The following TCF4 variants were observed in gnomAD, a reference collection of about 807,000 sequenced individuals.
The protein encoded by TCF4 is transcription factor 4, also known as SL3-3 enhancer factor 2.
Under a neutral mutation model 82.1 loss-of-function variants are expected in TCF4, and 3 were observed. That is an observed-to-expected ratio of 0.04 (90% CI 0.02 to 0.09). The LOEUF (loss-of-function observed/expected upper bound fraction) is 0.09. Ranked by LOEUF, TCF4 falls within the 10% of genes least tolerant of loss-of-function variation. The pLI is 1.00. For missense variants in TCF4, 518 were observed against 852.7 expected (o/e 0.61, Z 4.89); for synonymous variants, 276 against 309.6 (o/e 0.89, Z 1.14).
intron 8 of TCF4, among the ~76,000 whole-genome samples, chr18:55,300,259 A>T (rs1044281848): frequency 6.6e-6 from 1 of 152,132 alleles, no homozygotes; most frequent in Non-Finnish European, 1.5e-5. Flanking sequence ...TTGTTTCTTA[A>T]CTGTGGTACA....
chr18:55,310,387 G>A (rs1180898058), intron 8 of TCF4, among the ~76,000 whole-genome samples: 1 of 152,176 alleles, frequency 6.6e-6, no homozygotes, highest in African/African-American at 2.4e-5. Flanking sequence ...TATATCATGG[G>A]GAGGAAATTG....
At chr18:55,287,627 T>C (rs2063997883) in intron 8 of TCF4, among the ~76,000 whole-genome samples, 1 of 152,138 alleles carries the variant, frequency 6.6e-6, no homozygotes, top group African/African-American at 2.4e-5. Context: ...CAGGCAGGGA[T>C]GGCCAGAACA....
At chr18:55,587,949 G>GCGCGGAGC in intron 1 of TCF4, 89 bp downstream of exon 1, 1 of 915,092 alleles carries the variant, frequency 1.1e-6, no homozygotes, top group Non-Finnish European at 1.3e-6. Flanking sequence ...GGCGCGGGAG[G>GCGCGGAGC]CGCGGAGCCG....
At position 55,445,014 on chromosome 18, in the gene TCF4, G is replaced by T. The variant is rs532197383; in HGVS notation, c.304+16005C>A. Reference sequence around the variant, plus strand: ...CTCCTCTTCATCTTCATTGTTCCCAGTTCAGCTCAATCTCATCATTTCCTC... The same window carrying T: ...CTCCTCTTCATCTTCATTGTTCCCATTTCAGCTCAATCTCATCATTTCCTC... On this transcript the variant is annotated intron_variant, in intron 5 of 19. Transcript: ENST00000354452. Among the ~76,000 whole-genome samples, 3 of 152,180 alleles carry T rather than the reference G, an allele frequency of 2.0e-5. No individual in the cohort carries two copies. In the East Asian group the frequency reaches 5.8e-4, roughly 29 times the overall value.
At chr18:55,427,387 T>C (rs934497470) in intron 5 of TCF4, among the ~76,000 whole-genome samples, 1 of 152,170 alleles carries the variant, frequency 6.6e-6, no homozygotes, top group Non-Finnish European at 1.5e-5. Context: ...CCTTGAGAAA[T>C]AGTTACTATT....
At chr18:55,350,543 A>C (rs2082119434) in intron 7 of TCF4, 135 bp from the exon 8 acceptor site, 2 of 911,078 alleles carry the variant, frequency 2.2e-6, no homozygotes, top group African/African-American at 1.7e-5. Context: ...TACCACGATC[A>C]CATTCGATTC....
At chr18:55,426,108 TATATATATATAC>T (rs1310678856) in intron 5 of TCF4, among the ~76,000 whole-genome samples, 1 of 129,690 alleles carries the variant, frequency 7.7e-6, no homozygotes, top group African/African-American at 2.8e-5. Flanking sequence ...TTTATATATA[TATATATATATAC>T]ACACACACAC....
At chr18:55,456,418 G>GTTTC (rs1378696735) in intron 5 of TCF4, among the ~76,000 whole-genome samples, 1 of 152,202 alleles carries the variant, frequency 6.6e-6, no homozygotes, top group Non-Finnish European at 1.5e-5. Flanking sequence ...AATGGGCCAT[G>GTTTC]TGAAAGCATA....
At chr18:55,385,030 C>T (rs2092460014) in intron 6 of TCF4, among the ~76,000 whole-genome samples, 1 of 152,102 alleles carries the variant, frequency 6.6e-6, no homozygotes, top group Non-Finnish European at 1.5e-5. Flanking sequence ...TTTCTCCCTC[C>T]CCCTTACCCC....
chr18:55,239,309 C>G (rs1378104225), intron 15 of TCF4, among the ~76,000 whole-genome samples: 1 of 152,170 alleles, frequency 6.6e-6, no homozygotes, highest in African/African-American at 2.4e-5. Flanking sequence ...TTAGGTCAAA[C>G]TCTTCATTTT....
rs762952107 is a variant in TCF4 at position 55,279,596 on chromosome 18, A to T, written c.610T>A (p.Ser204Thr). The T allele has an allele frequency of 6.2e-7, 1 of 1,613,960 alleles. No individual in the cohort carries two copies. Among genetic ancestry groups the T allele is most frequent in the East Asian group, 2.2e-5 (1 of 44,854 alleles). ...YNRDSPGYPSSKPATSTFPSS... is the reference protein window; with the variant it reads ...YNRDSPGYPSTKPATSTFPSS... ...GGGAAAGTGCTGGTTGCTGGTTTGG[A>T]GGAAGGATAGCCTGGCGAGTCCCTA... Residue 204 changes from serine to threonine, a missense_variant, in exon 9 of 20, where the codon TCC (serine) becomes ACC (threonine). Physicochemically the swap from Ser to Thr is moderately conservative, Grantham distance 58. Around this residue, in one of 7 missense-constraint regions of TCF4, gnomAD observed 211 missense variants for 327.4 expected, o/e 0.64. Coordinates refer to ENST00000354452, the MANE Select transcript of TCF4 (RefSeq NM_001083962.2).
chr18:55,242,760 C>G (rs527347453), intron 15 of TCF4, among the ~76,000 whole-genome samples: 1 of 152,090 alleles, frequency 6.6e-6, no homozygotes, highest in Admixed American at 6.5e-5. Context: ...CAGGCGTGCA[C>G]CTTTACGCCC....
chr18:55,229,145 T>C (rs573573382), intron 17 of TCF4, 69 bp from the exon 18 acceptor site: 11 of 1,566,550 alleles, frequency 7.0e-6, no homozygotes, highest in Non-Finnish European at 9.6e-6. Context: ...CATTACTTTG[T>C]TTTCTTCCAG....
chr18:55,265,351 C>G (rs890871495), intron 11 of TCF4: 1 of 152,266 alleles, frequency 6.6e-6, no homozygotes, highest in Non-Finnish European at 1.5e-5. Context: ...ATGTGCTTAT[C>G]TATAAAGATG....
At chr18:55,248,004 A>G (rs2053828683) in intron 15 of TCF4, among the ~76,000 whole-genome samples, 1 of 152,226 alleles carries the variant, frequency 6.6e-6, no homozygotes, top group Non-Finnish European at 1.5e-5. Context: ...ACTGCTTGGC[A>G]GGAAATCTGT....
chr18:55,481,653 A>G (rs1220063694), intron 3 of TCF4, among the ~76,000 whole-genome samples: 2 of 152,032 alleles, frequency 1.3e-5, no homozygotes, highest in Non-Finnish European at 2.9e-5. Context: ...TCCTCCCAAA[A>G]CCTTTAATTT....
At chr18:55,257,427 C>T (rs1470653209) in intron 13 of TCF4, 36 bp from the exon 14 acceptor site, 1 of 1,604,510 alleles carries the variant, frequency 6.2e-7, no homozygotes, top group Non-Finnish European at 8.5e-7. Flanking sequence ...CAGATCTAGA[C>T]ACATGTAAAA....
intron 15 of TCF4, among the ~76,000 whole-genome samples, chr18:55,253,638 T>C (rs2055922204): frequency 2.0e-5 from 3 of 152,300 alleles, no homozygotes; most frequent in East Asian, 3.9e-4. Flanking sequence ...ATAATTCAAA[T>C]AAAGACTTAT....
At chr18:55,315,407 G>C (rs1325303220) in intron 8 of TCF4, among the ~76,000 whole-genome samples, 1 of 152,166 alleles carries the variant, frequency 6.6e-6, no homozygotes, top group East Asian at 1.9e-4. Flanking sequence ...ACAGCATTTA[G>C]AGACAGAAAT....
Sources: gnomAD v4.1 joint callset for allele counts (sites outside exome capture counted in the v4.1 genomes callset) on GRCh38, gnomAD v4.1.1 for gene constraint, gnomAD v4.1.1 regional missense constraint, MANE v1.5 for transcripts, NCBI Gene and HGNC (gene_info 2026-07-23, HGNC 2026-07-21) for gene names.